TNKS: variants seen among roughly 807,000 people sequenced by gnomAD.
TNKS encodes tankyrase.
In TNKS, 72 loss-of-function variants were observed where a neutral mutation model predicts 135.8. That is an observed-to-expected ratio of 0.53 (90% CI 0.44 to 0.64). The LOEUF (loss-of-function observed/expected upper bound fraction) is 0.64, where lower values mean the gene tolerates loss of function less well. Ranked by LOEUF, TNKS falls within the 30% of genes least tolerant of loss-of-function variation. TNKS has a pLI of 0.00. For synonymous variants in TNKS, 849 were observed against 649.3 expected (o/e 1.31, Z -4.68); for missense variants, 1,769 against 1,674.0 (o/e 1.06, Z -0.99).
chr8:9,617,557 C>T (rs892624284), intron 3 of TNKS, among the ~76,000 whole-genome samples: 1 of 152,152 alleles, frequency 6.6e-6, no homozygotes, highest in Non-Finnish European at 1.5e-5. Flanking sequence ...CTATATAATG[C>T]AGTGAAATAA....
rs566304681 is a variant in TNKS at position 9,697,079 on chromosome 8, A to G, written c.1108-7584A>G. On this transcript the variant is annotated intron_variant, in intron 5 of 26. Transcript: ENST00000310430. ...GTCAGGCTACAATAAAGAAAACAGC[A>G]TGGCACTGATACAAAAAACAGACAC... Among the ~76,000 whole-genome samples, 5 of 152,304 alleles carry G rather than the reference A, an allele frequency of 3.3e-5. No homozygotes were observed. The South Asian group carries it at 1.0e-3, about 32-fold the overall frequency.
At chr8:9,664,235 C>T (rs1157042879) in intron 3 of TNKS, among the ~76,000 whole-genome samples, 2 of 152,164 alleles carry the variant, frequency 1.3e-5, no homozygotes, top group African/African-American at 4.8e-5. Flanking sequence ...CCACTCCTGG[C>T]AGAAGGTGAG....
intron 5 of TNKS, among the ~76,000 whole-genome samples, chr8:9,695,705 A>G (rs1803481756): frequency 6.6e-6 from 1 of 152,166 alleles, no homozygotes; most frequent in South Asian, 2.1e-4. Flanking sequence ...TAGCCAGCTG[A>G]GAGAGGATAC....
chr8:9,680,666 A>G (rs1802744426), intron 4 of TNKS, 59 bp from the exon 5 acceptor site: 21 of 1,249,574 alleles, frequency 1.7e-5, no homozygotes, highest in Non-Finnish European at 2.3e-5. Flanking sequence ...AAAATTATGC[A>G]TAAATATTCA....
At chr8:9,574,104 A>G (rs75907261) in intron 1 of TNKS, among the ~76,000 whole-genome samples, 4,194 of 152,302 alleles carry the variant, frequency 0.028, 83 homozygotes, top group Non-Finnish European at 0.042. Context: ...TGTGTTAGGA[A>G]TTTGGGTTTC....
intron 3 of TNKS, among the ~76,000 whole-genome samples, chr8:9,619,752 C>G (rs1254221081): frequency 2.7e-5 from 4 of 149,354 alleles, no homozygotes; most frequent in Non-Finnish European, 5.9e-5. Flanking sequence ...CTGAGACTGG[C>G]TTAGTAAGTC....
At chr8:9,765,604 A>C in intron 23 of TNKS, 88 bp from the exon 24 acceptor site, 1 of 1,095,302 alleles carries the variant, frequency 9.1e-7, no homozygotes. Context: ...ATAAAAATTG[A>C]ACCTTCCTAA....
rs1476108522 is a variant in TNKS at position 9,780,037 on chromosome 8, G to A, written c.*3301G>A. 1.3e-5 allele frequency: 2 copies of A among 152,164 alleles called. No individual in the cohort carries two copies. The highest frequency in any genetic ancestry group is 2.1e-4 in the South Asian group (1 of 4,824). The allele number at this position is 152,164 out of a possible 1,614,324, so 9.4% of individuals were successfully genotyped here. On this transcript the variant is annotated 3_prime_UTR_variant, in exon 27 of 27. Coordinates refer to ENST00000310430, the MANE Select transcript of TNKS (RefSeq NM_003747.3). ...ACAGAGAAATGCCTGAATATGGCAA[G>A]CAAATAATGTAGATTAACATTCTAT...
rs775151012 is a variant in TNKS, at chr8:9,735,130, A to C, written c.2533+46A>C. The C allele has an allele frequency of 2.2e-5, 34 of 1,556,290 alleles. 2 individuals are homozygous for C. The South Asian group carries it at 3.1e-4, about 14-fold the overall frequency. On this transcript the variant is annotated intron_variant, in intron 16 of 26. Coordinates refer to ENST00000310430, the MANE Select transcript of TNKS (RefSeq NM_003747.3). ...CAAGCCTCCTTTTCCTTTCTCGGAC[A>C]CCTAATACAGTTTACTAAAAGACGA... is the stretch of plus-strand genomic sequence containing the variant.
chr8:9,754,621 AT>A (rs1428104669), intron 20 of TNKS, among the ~76,000 whole-genome samples: 1 of 152,112 alleles, frequency 6.6e-6, no homozygotes, highest in Non-Finnish European at 1.5e-5. Context: ...AATTCTAATT[AT>A]TTTTACCCTC....
intron 3 of TNKS, among the ~76,000 whole-genome samples, chr8:9,628,305 G>A (rs1253092979): frequency 6.6e-6 from 1 of 152,018 alleles, no homozygotes; most frequent in African/African-American, 2.4e-5. Context: ...AAACTCACCT[G>A]GTACTGTTTT....
intron 2 of TNKS, among the ~76,000 whole-genome samples, chr8:9,595,486 C>T (rs1005080517): frequency 2.0e-5 from 3 of 151,868 alleles, no homozygotes; most frequent in Non-Finnish European, 4.4e-5. Context: ...GAGTAGTGTG[C>T]ATTTACCTGA....
chr8:9,646,916 T>G (rs888531123), intron 3 of TNKS, among the ~76,000 whole-genome samples: 2 of 152,178 alleles, frequency 1.3e-5, no homozygotes, highest in African/African-American at 4.8e-5. Context: ...AAAACTCTTT[T>G]ATAACTGTCT....
intron 3 of TNKS, among the ~76,000 whole-genome samples, chr8:9,622,613 A>G (rs988872611): frequency 3.9e-5 from 6 of 152,310 alleles, no homozygotes; most frequent in Admixed American, 2.0e-4. Flanking sequence ...GTTCATTTGG[A>G]AGGACATGGC....
Position 9,587,738 on chromosome 8 carries a change from A to T in TNKS, c.898+7355A>T, listed in dbSNP as rs546116690. Among the ~76,000 whole-genome samples, 34 of 152,292 alleles carry T rather than the reference A, an allele frequency of 2.2e-4. No homozygotes were observed. In the Middle Eastern group the frequency reaches 0.01, roughly 46 times the overall value. ...TTTAGCCCAATGAGACTTACGTCAGATTTAGGATCTCCAGAACTGTAGGAG... is the reference window on the plus strand; with the variant it reads ...TTTAGCCCAATGAGACTTACGTCAGTTTTAGGATCTCCAGAACTGTAGGAG... On this transcript the variant is annotated intron_variant, in intron 2 of 26. Transcript: ENST00000310430.
chr8:9,751,740 T>G lies in TNKS; in HGVS notation c.2964T>G (p.Ala988=). The part of the protein sequence containing the change: ...SPASTPSCLS[A]ASSIDNLTGP... ...CATCCACCCCCTCCTGCCTCTCGGC[T>G]GCCAGCAGCATAGACAACCTCACTG... The change falls in exon 19 of 27, where the codon GCT becomes GCG. Residue 988 remains alanine (A), a synonymous_variant. Coordinates refer to ENST00000310430, the MANE Select transcript of TNKS (RefSeq NM_003747.3). The G allele has an allele frequency of 2.5e-6, 4 of 1,614,206 alleles. No homozygotes were observed. The highest frequency in any genetic ancestry group is 3.4e-6 in the Non-Finnish European group (4 of 1,180,026).
At chr8:9,699,775 C>G (rs191184511) in intron 5 of TNKS, among the ~76,000 whole-genome samples, 2 of 152,278 alleles carry the variant, frequency 1.3e-5, no homozygotes, top group South Asian at 2.1e-4. Context: ...AGAGTTTGCT[C>G]TCTCTCTTCA....
rs1808240142 is a variant in TNKS, at chr8:9,776,665, C to T, written c.3913C>T (p.Leu1305Phe). The change falls in exon 27 of 27, where the codon CTT (leucine) becomes TTT (phenylalanine). Residue 1305 changes from leucine (L) to phenylalanine (F), a missense_variant. This residue lies in a region of TNKS where 722 missense variants were observed against 688.9 expected (regional missense o/e 1.05). Transcript: ENST00000310430. ...YRGEQAYPEY[L>F]ITYQIMKPEA... is the part of the protein sequence containing the mutation. ...TCCTTCCCAGGCATACCCAGAGTAT[C>T]TTATCACTTACCAGATCATGAAGCC... 5 of 1,613,960 alleles carry T rather than the reference C, an allele frequency of 3.1e-6. No individual in the cohort carries two copies. Among genetic ancestry groups the T allele is most frequent in the Non-Finnish European group, 4.2e-6 (5 of 1,179,904 alleles).
At chr8:9,635,548 G>A (rs988572377) in intron 3 of TNKS, among the ~76,000 whole-genome samples, 1 of 152,194 alleles carries the variant, frequency 6.6e-6, no homozygotes, top group Non-Finnish European at 1.5e-5. Flanking sequence ...ATGATTCTCA[G>A]CATGATTGCT....
Sources: gnomAD v4.1 joint callset for allele counts (sites outside exome capture counted in the v4.1 genomes callset) on GRCh38, gnomAD v4.1.1 for gene constraint, gnomAD v4.1.1 regional missense constraint, MANE v1.5 for transcripts, NCBI Gene and HGNC (gene_info 2026-07-23, HGNC 2026-07-21) for gene names.